Variants in CMC1 observed in about 807,000 individuals in gnomAD.
CMC1 encodes the protein COX assembly mitochondrial protein homolog.
Under a neutral mutation model 14.1 loss-of-function variants are expected in CMC1, and 14 were observed. The observed-to-expected ratio is 0.99, with a 90% CI of 0.66 to 1.55. The LOEUF (loss-of-function observed/expected upper bound fraction) is 1.55, where lower values mean the gene tolerates loss of function less well. Among genes scored for constraint, CMC1 ranks in the 40% most tolerant of loss-of-function variants. The pLI, the probability that CMC1 is intolerant of heterozygous loss-of-function variation, is 0.00. For synonymous variants in CMC1, 50 were observed against 38.4 expected (o/e 1.30, Z -1.12); for missense variants, 127 against 123.8 (o/e 1.03, Z -0.12).
At chr3:28,258,657 T>C (rs1268074706) in intron 1 of CMC1, among the ~76,000 whole-genome samples, 1 of 147,384 alleles carries the variant, frequency 6.8e-6, no homozygotes, top group East Asian at 2.0e-4. Flanking sequence ...TCTCGCACTG[T>C]CACCCAGGCT....
At chr3:28,296,374 T>C (rs1407260284) in intron 2 of CMC1, among the ~76,000 whole-genome samples, 1 of 152,104 alleles carries the variant, frequency 6.6e-6, no homozygotes, top group African/African-American at 2.4e-5. Context: ...TTTAGCTTAA[T>C]GTCAGCAAAG....
At chr3:28,278,237 A>G (rs1700696507) in intron 2 of CMC1, among the ~76,000 whole-genome samples, 1 of 152,228 alleles carries the variant, frequency 6.6e-6, no homozygotes, top group Admixed American at 6.5e-5. Context: ...AGGAGGAGTT[A>G]TAGTTAGCAG....
intron 1 of CMC1, among the ~76,000 whole-genome samples, chr3:28,251,825 A>AG (rs71087679): frequency 8.6e-5 from 13 of 152,042 alleles, no homozygotes. Context: ...GATTTATATG[A>AG]GGAAAAAAAG....
intron 2 of CMC1, among the ~76,000 whole-genome samples, chr3:28,280,929 A>C (rs1049924705): frequency 2.0e-5 from 3 of 152,228 alleles, no homozygotes; most frequent in African/African-American, 7.2e-5. Context: ...GTTTTGGAAC[A>C]CAGCCATGCT....
At chr3:28,277,630 T>A (rs1700649570) in intron 2 of CMC1, among the ~76,000 whole-genome samples, 1 of 152,212 alleles carries the variant, frequency 6.6e-6, no homozygotes, top group African/African-American at 2.4e-5. Context: ...GTGATCAATA[T>A]AGGTCTCACT....
intron 2 of CMC1, among the ~76,000 whole-genome samples, chr3:28,309,479 T>TC (rs1702510368): frequency 6.6e-6 from 1 of 152,108 alleles, no homozygotes; most frequent in East Asian, 1.9e-4. Flanking sequence ...CCTTGACTCG[T>TC]CCTTCTATTA....
chr3:28,316,354 A>T lies in CMC1; in HGVS notation c.131A>T (p.Asn44Ile). The T allele has an allele frequency of 6.3e-7, 1 of 1,578,644 alleles. No individual in the cohort carries two copies. The highest frequency in any genetic ancestry group is 8.6e-7 in the Non-Finnish European group (1 of 1,164,296). The change falls in exon 3 of 4, where the codon AAC (asparagine) becomes ATC (isoleucine). Residue 44 changes from asparagine to isoleucine, a missense_variant. Transcript: ENST00000466830. Reference protein sequence around the residue: ...QVQDFTKCCKNSGVLMVVKCR... With the variant: ...QVQDFTKCCKISGVLMVVKCR... ...TCAGATTTTACCAAATGTTGCAAGA[A>T]CTCTGGAGTTCTTATGGTAGTAAAA...
intron 1 of CMC1, among the ~76,000 whole-genome samples, chr3:28,255,549 T>G (rs1699356661): frequency 6.6e-6 from 1 of 152,006 alleles, no homozygotes; most frequent in Non-Finnish European, 1.5e-5. Flanking sequence ...CCCGGCCTGT[T>G]TCCGGTAGCT....
intron 2 of CMC1, among the ~76,000 whole-genome samples, chr3:28,286,667 C>G (rs1450509763): frequency 6.6e-6 from 1 of 152,120 alleles, no homozygotes; most frequent in Non-Finnish European, 1.5e-5. Flanking sequence ...TTTCTTCTTT[C>G]CATTTCCTTT....
At chr3:28,281,960 AAGACTGAGAGTCAAGGCTGATTTTGG>A (rs1350888433) in intron 2 of CMC1, among the ~76,000 whole-genome samples, 5 of 152,160 alleles carry the variant, frequency 3.3e-5, no homozygotes, top group African/African-American at 1.2e-4. Flanking sequence ...GATGTAGATA[AAGACTGAGAGTCAAGGCTGATTTTGG>A]AGTGTCTTAA....
chr3:28,311,441 G>A (rs1702635022), intron 2 of CMC1, among the ~76,000 whole-genome samples: 1 of 152,148 alleles, frequency 6.6e-6, no homozygotes, highest in East Asian at 1.9e-4. Context: ...TACTGTTCAT[G>A]CTGTTGGTTA....
At chr3:28,310,892 T>A (rs1354440289) in intron 2 of CMC1, among the ~76,000 whole-genome samples, 1 of 152,164 alleles carries the variant, frequency 6.6e-6, no homozygotes, top group Non-Finnish European at 1.5e-5. Context: ...ATCCCTCGCA[T>A]GCACAATTCT....
intron 1 of CMC1, among the ~76,000 whole-genome samples, chr3:28,261,187 T>C (rs1272735222): frequency 6.6e-6 from 1 of 152,162 alleles, no homozygotes; most frequent in African/African-American, 2.4e-5. Flanking sequence ...TTTTTTTTTT[T>C]CTATCAGAGC....
intron 2 of CMC1, among the ~76,000 whole-genome samples, chr3:28,296,728 A>C (rs768434451): frequency 2.6e-5 from 4 of 152,104 alleles, no homozygotes; most frequent in Non-Finnish European, 5.9e-5. Context: ...ATGAACTGCT[A>C]TGATTATGAC....
At chr3:28,304,389 G>C (rs1044612996) in intron 2 of CMC1, among the ~76,000 whole-genome samples, 1 of 151,296 alleles carries the variant, frequency 6.6e-6, no homozygotes, top group African/African-American at 2.4e-5. Flanking sequence ...CTGTGAATAT[G>C]GATATAAGGA....
At chr3:28,283,851 AAAGTC>A (rs1257460007) in intron 2 of CMC1, among the ~76,000 whole-genome samples, 1 of 152,198 alleles carries the variant, frequency 6.6e-6, no homozygotes, top group African/African-American at 2.4e-5. Context: ...TCCTAGGAGA[AAAGTC>A]AAAGCTATAT....
In CMC1 at chr3:28,285,439, A is replaced by T. The variant is rs78713737; in HGVS notation, c.109+22059A>T. Among the ~76,000 whole-genome samples, 1,275 of 152,268 alleles carry T rather than the reference A, an allele frequency of 8.4e-3. 28 individuals are homozygous for T. Among genetic ancestry groups the T allele is most frequent in the African/African-American group, 0.029 (1,214 of 41,558 alleles). ...AAAAACACATGACTTTCTGTCAAAT[A>T]TCACATGTTCTCACGTATAAGTGGA... On this transcript the variant is annotated intron_variant, in intron 2 of 3. Coordinates refer to ENST00000466830, the MANE Select transcript of CMC1 (RefSeq NM_182523.2).
At chr3:28,289,849 T>C (rs762110587) in intron 2 of CMC1, among the ~76,000 whole-genome samples, 3 of 152,204 alleles carry the variant, frequency 2.0e-5, no homozygotes, top group Non-Finnish European at 4.4e-5. Flanking sequence ...TACTCTAAAT[T>C]CTACCATTCA....
chr3:28,309,824 CACACACA>C (rs1390004572), intron 2 of CMC1, among the ~76,000 whole-genome samples: 1 of 80,782 alleles, frequency 1.2e-5, no homozygotes, highest in Non-Finnish European at 2.7e-5. Flanking sequence ...ATATTTACCA[CACACACA>C]CACACACACA....
Sources: allele counts gnomAD v4.1 joint callset (sites outside exome capture counted in the v4.1 genomes callset), GRCh38; gene constraint gnomAD v4.1.1; transcripts MANE v1.5; gene names NCBI Gene and HGNC (gene_info 2026-07-23, HGNC 2026-07-21).